The following SPECC1 variants were observed in gnomAD, a reference collection of about 807,000 sequenced individuals.
The protein encoded by SPECC1 is cytospin-B.
SPECC1 carries 62 observed loss-of-function variants against 104.1 expected under a neutral mutation model. The ratio of observed to expected loss-of-function variants is 0.60; its 90% CI spans 0.49 to 0.74. SPECC1 has a LOEUF of 0.74. Among genes scored for constraint, SPECC1 ranks in the 30% least tolerant of loss-of-function variants. The pLI, the probability that SPECC1 is intolerant of heterozygous loss-of-function variation, is 0.00. For synonymous variants in SPECC1, 513 were observed against 501.6 expected, an observed-to-expected ratio of 1.02 and a Z score of -0.30; for missense variants, 1,306 against 1,310.5, an observed-to-expected ratio of 1.00 and a Z score of 0.05.
intron 12 of SPECC1, among the ~76,000 whole-genome samples, chr17:20,288,061 G>GT (rs1219480733): frequency 6.6e-6 from 1 of 150,532 alleles, no homozygotes; most frequent in Admixed American, 6.7e-5. Flanking sequence ...TTGGTTTTCT[G>GT]TTTCTGTACT....
At chr17:20,173,977 T>C (rs2034282300) in intron 3 of SPECC1, among the ~76,000 whole-genome samples, 1 of 151,974 alleles carries the variant, frequency 6.6e-6, no homozygotes, top group Non-Finnish European at 1.5e-5. Flanking sequence ...TTGTTGCCCA[T>C]GCTGGAGTGC....
intron 1 of SPECC1, among the ~76,000 whole-genome samples, chr17:20,025,753 A>T (rs1597581438): frequency 6.6e-6 from 1 of 152,266 alleles, no homozygotes; most frequent in Admixed American, 6.5e-5. Context: ...GTCATACGGT[A>T]ACTCTGTATT....
At chr17:20,079,525 A>G (rs34756775) in intron 1 of SPECC1, among the ~76,000 whole-genome samples, 43,933 of 151,990 alleles carry the variant, frequency 0.29, 6,895 homozygotes, top group Middle Eastern at 0.43. Context: ...TGTGGGTTCA[A>G]GTGATCCTCC....
chr17:20,086,822 G>A (rs1255537127), intron 1 of SPECC1, among the ~76,000 whole-genome samples: 2 of 152,180 alleles, frequency 1.3e-5, no homozygotes, highest in Non-Finnish European at 2.9e-5. Flanking sequence ...TCAAATGCAC[G>A]GAAGCATGTT....
intron 12 of SPECC1, among the ~76,000 whole-genome samples, chr17:20,279,164 C>T (rs2040674502): frequency 6.6e-6 from 1 of 152,186 alleles, no homozygotes; most frequent in Non-Finnish European, 1.5e-5. Flanking sequence ...TGAATCTGCA[C>T]TGAGCATTTT....
chr17:20,193,902 A>G (rs1362345506), intron 3 of SPECC1, among the ~76,000 whole-genome samples: 4 of 152,232 alleles, frequency 2.6e-5, no homozygotes, highest in Admixed American at 2.0e-4. Context: ...AGCAGCAGTC[A>G]GAGATCACTG....
intron 6 of SPECC1, 104 bp from the exon 7 acceptor site, chr17:20,232,096 G>A: frequency 7.3e-7 from 1 of 1,363,562 alleles, no homozygotes; most frequent in Non-Finnish European, 1.0e-6. Flanking sequence ...ACCAAGCACT[G>A]ATGGCATTTT....
chr17:20,084,400 A>C (rs1183779500), intron 1 of SPECC1, among the ~76,000 whole-genome samples: 1 of 152,152 alleles, frequency 6.6e-6, no homozygotes, highest in Admixed American at 6.5e-5. Flanking sequence ...TTGCCATTGC[A>C]CTCCAGCCTG....
intron 12 of SPECC1, among the ~76,000 whole-genome samples, chr17:20,279,316 T>C (rs1369284912): frequency 2.0e-5 from 3 of 149,674 alleles, no homozygotes; most frequent in African/African-American, 7.5e-5. Context: ...TTTCTTTTTT[T>C]TTTTTTCTTT....
At chr17:20,137,692 G>C (rs913312786) in intron 3 of SPECC1, among the ~76,000 whole-genome samples, 1 of 151,998 alleles carries the variant, frequency 6.6e-6, no homozygotes, top group African/African-American at 2.4e-5. Context: ...TTGAGACAGA[G>C]TCTAACTCCA....
At chr17:20,196,125 G>A (rs2036018393) in intron 3 of SPECC1, among the ~76,000 whole-genome samples, 1 of 152,050 alleles carries the variant, frequency 6.6e-6, no homozygotes, top group African/African-American at 2.4e-5. Context: ...CTAACTTAAA[G>A]CAATTCTTTA....
At chr17:20,276,398 A>G (rs565972647) in intron 12 of SPECC1, among the ~76,000 whole-genome samples, 1 of 152,314 alleles carries the variant, frequency 6.6e-6, no homozygotes, top group African/African-American at 2.4e-5. Flanking sequence ...TGGGATTACA[A>G]GTGTGGAGCC....
At chr17:20,061,701 A>C (rs1234318540) in intron 1 of SPECC1, among the ~76,000 whole-genome samples, 3 of 152,226 alleles carry the variant, frequency 2.0e-5, no homozygotes, top group African/African-American at 7.2e-5. Context: ...CAATCACATA[A>C]ATTTTTTAAT....
chr17:20,153,173 T>G (rs1278429818), intron 3 of SPECC1, among the ~76,000 whole-genome samples: 1 of 152,184 alleles, frequency 6.6e-6, no homozygotes, highest in East Asian at 1.9e-4. Flanking sequence ...GGACGAGGTG[T>G]TGAAACCGAC....
chr17:20,289,596 G>A (rs1375515113), intron 12 of SPECC1, among the ~76,000 whole-genome samples: 6 of 152,184 alleles, frequency 3.9e-5, no homozygotes, highest in African/African-American at 1.4e-4. Context: ...GTGAGCTACT[G>A]TGCCTGGCCA....
intron 10 of SPECC1, among the ~76,000 whole-genome samples, 163 bp downstream of exon 10, chr17:20,253,749 G>A (rs1030527370): frequency 2.0e-5 from 3 of 152,194 alleles, no homozygotes; most frequent in African/African-American, 7.2e-5. Flanking sequence ...AGATGCAGCA[G>A]TGCAGCTGAC....
chr17:20,034,240 G>A (rs1597592589), intron 1 of SPECC1, among the ~76,000 whole-genome samples: 2 of 151,962 alleles, frequency 1.3e-5, no homozygotes, highest in African/African-American at 4.8e-5. Flanking sequence ...TGGGATTACA[G>A]GCATGCACCA....
chr17:20,056,311 C>A, intron 1 of SPECC1: 2 of 187,348 alleles, frequency 1.1e-5, no homozygotes, highest in East Asian at 1.3e-4. Context: ...CCTGTGAGGC[C>A]ACCTGGTGCG....
chr17:20,050,750 C>T (rs1039141758), intron 1 of SPECC1, among the ~76,000 whole-genome samples: 2 of 152,122 alleles, frequency 1.3e-5, no homozygotes, highest in Admixed American at 6.5e-5. Flanking sequence ...GGTTTTTGTT[C>T]TGGAGTATAT....
Sources: gnomAD v4.1 joint callset for allele counts (sites outside exome capture counted in the v4.1 genomes callset) on GRCh38, gnomAD v4.1.1 for gene constraint, MANE v1.5 for transcripts, NCBI Gene and HGNC (gene_info 2026-07-23, HGNC 2026-07-21) for gene names.